CITED1: variants seen among roughly 807,000 people sequenced by gnomAD.
CITED1 encodes the protein Cbp/p300 interacting transactivator with ED-rich tail 1.
In CITED1, 3 loss-of-function variants were observed where a neutral mutation model predicts 8.5. That is an observed-to-expected ratio of 0.35 (90% CI 0.16 to 0.91). CITED1 has a LOEUF of 0.91. Ranked by LOEUF, CITED1 falls within the 40% of genes least tolerant of loss-of-function variation. CITED1 has a pLI of 0.46. For missense variants in CITED1, 113 were observed against 154.8 expected (o/e 0.73, Z 1.43); for synonymous variants, 54 against 67.4 (o/e 0.80, Z 0.97).
intron 1 of CITED1, among the ~76,000 whole-genome samples, chrX:72,304,861 G>A (rs752622799): frequency 2.7e-5 from 3 of 112,044 alleles, no homozygotes; most frequent in Non-Finnish European, 5.6e-5. Flanking sequence ...CCCAGCCTGG[G>A]TCTGCGCTCA....
rs181337442 is a variant in CITED1, at chrX:72,302,670, G to C, written c.60+140C>G. On this transcript the variant is annotated intron_variant, in intron 2 of 2. Transcript: ENST00000651998. The stretch of plus-strand genomic sequence containing the variant: ...CAATCTGACCACAATTTAGGCAGAA[G>C]CTGTTCTCATTCTCCCCAGAGATAG... The C allele has an allele frequency of 1.9e-3, 1,061 of 547,271 alleles. 12 individuals are homozygous for C. The African/African-American group carries it at 0.022, about 11-fold the overall frequency. The allele number at this position is 547,271 out of a possible 1,213,427, so 45.1% of individuals were successfully genotyped here. A position where few individuals can be genotyped will look rare whatever the true frequency, so the allele number is the denominator to read the frequency against.
In CITED1 at chrX:72,302,092, A is replaced by C. The variant is rs1460275383; in HGVS notation, c.213T>G (p.Ser71=). The part of the protein sequence containing the change: ...PTSSSGSPIG[S]PTTTPPTKPP... The stretch of plus-strand genomic sequence containing the variant: ...GTTTAGTGGGAGGGGTGGTTGTAGG[A>C]GAGCCTATTGGAGATCCCGAGGAAC... Residue 71 remains serine (S), a synonymous_variant, in exon 3 of 3, where the codon TCT becomes TCG. Transcript: ENST00000651998. 1.7e-6 allele frequency: 2 copies of C among 1,189,162 alleles called. No homozygotes were observed. Among genetic ancestry groups the C allele is most frequent in the East Asian group, 6.1e-5 (2 of 32,835 alleles).
rs150485089 is a variant in CITED1 at position 72,302,133 on chromosome X, T to G, written c.172A>C (p.Ser58Arg). Residue 58 changes from serine (S) to arginine (R), a missense_variant, in exon 3 of 3, where the codon AGT becomes CGT. By Grantham distance (110) the Ser-to-Arg change is moderately radical. Coordinates refer to ENST00000651998, the MANE Select transcript of CITED1 (RefSeq NM_001144887.2). Reference sequence around the variant, plus strand: ...CCCGAGGAACTAGTGGGAGCCCCACTGGCCTTGGTTCCATTTGAGGCTACC... The same window carrying G: ...CCCGAGGAACTAGTGGGAGCCCCACGGGCCTTGGTTCCATTTGAGGCTACC... The part of the protein sequence containing the change: ...PGVASNGTKA[S>R]GAPTSSSGSP... 1.7e-6 allele frequency: 2 copies of G among 1,192,087 alleles called. No individual in the cohort carries two copies. Among genetic ancestry groups the G allele is most frequent in the Non-Finnish European group, 2.3e-6 (2 of 885,094 alleles).
chrX:72,307,122 C>G (rs1276460362), upstream of CITED1: 1 of 111,078 alleles, frequency 9.0e-6, no homozygotes, highest in Non-Finnish European at 1.9e-5. Context: ...CCGGGCAGAG[C>G]GAGCTTCCTC....
chrX:72,304,898 T>A (rs1456575446), intron 1 of CITED1, among the ~76,000 whole-genome samples: 1 of 112,420 alleles, frequency 8.9e-6, no homozygotes, highest in Non-Finnish European at 1.9e-5. Flanking sequence ...TGTTGTTGAA[T>A]GCGTCTGAAG....
chrX:72,302,538 C>T (rs189350672), intron 2 of CITED1, among the ~76,000 whole-genome samples: 171 of 112,303 alleles, frequency 1.5e-3, no homozygotes, highest in African/African-American at 5.3e-3. Context: ...AAGGGCACCT[C>T]CTGTCCCTCT....
At chrX:72,305,502 G>A (rs998243089) in intron 1 of CITED1, 1 of 424,834 alleles carries the variant, frequency 2.4e-6, no homozygotes. Context: ...GGGGGCGGCC[G>A]GGAGCATCCC....
chrX:72,305,829 G>A lies in CITED1; in HGVS notation c.-70C>T. On this transcript the variant is annotated 5_prime_UTR_variant, in exon 1 of 3. Transcript: ENST00000651998. ...CGGAGAGGTGCGGTAACTTGCCCAA[G>A]GTCACAGCGCTAGAAAGTGGCGGAG... 1 of 114,192 alleles carries A rather than the reference G, an allele frequency of 8.8e-6. No individual in the cohort carries two copies. Among genetic ancestry groups the A allele is most frequent in the Non-Finnish European group, 1.8e-5 (1 of 54,386 alleles). The allele number at this position is 114,192 out of a possible 1,213,427, so 9.4% of individuals were successfully genotyped here.
chrX:72,302,118 T>C lies in CITED1; in HGVS notation c.187A>G (p.Ser63Gly). 1 of 1,189,926 alleles carries C rather than the reference T, an allele frequency of 8.4e-7. No individual in the cohort carries two copies. The highest frequency in any genetic ancestry group is 1.1e-6 in the Non-Finnish European group (1 of 884,046). Residue 63 changes from serine (S) to glycine (G), a missense_variant, in exon 3 of 3, where the codon AGT becomes GGT. Physicochemically the swap from Ser to Gly is moderately conservative, Grantham distance 56. Transcript: ENST00000651998. ...GAGCCTATTGGAGATCCCGAGGAACTAGTGGGAGCCCCACTGGCCTTGGTT... is the reference window on the plus strand; with the variant it reads ...GAGCCTATTGGAGATCCCGAGGAACCAGTGGGAGCCCCACTGGCCTTGGTT... ...NGTKASGAPT[S>G]SSGSPIGSPT...
At chrX:72,305,178 T>C in intron 1 of CITED1, 1 of 679,037 alleles carries the variant, frequency 1.5e-6, no homozygotes, top group Non-Finnish European at 2.2e-6. Context: ...AGGCCTTCCC[T>C]TGGGCGAGCA....
chrX:72,302,801 A>T lies in CITED1; in HGVS notation c.60+9T>A. ...TTCCCTGCCTCATCTGTAAAATGGC[A>T]AAAATTACCTCCTTCGCAGGTGAGG... On this transcript the variant is annotated intron_variant, in intron 2 of 2. Transcript: ENST00000651998. 8.3e-7 allele frequency: 1 copy of T among 1,202,375 alleles called. No individual in the cohort carries two copies. The highest frequency in any genetic ancestry group is 1.1e-6 in the Non-Finnish European group (1 of 890,331).
At chrX:72,304,038 GA>G in intron 1 of CITED1, 1 of 375,369 alleles carries the variant, frequency 2.7e-6, no homozygotes, top group Non-Finnish European at 3.4e-6. Flanking sequence ...AACATAGCGG[GA>G]CCCTATCTCT....
rs1170426931 is a variant in CITED1 at position 72,302,913 on chromosome X, G to A, written c.-44C>T. ...GTTGGATAAATTGGCGGGAAGTGAT[G>A]CTGCCAGCTGGAGCTGTTGTGCTGC... On this transcript the variant is annotated 5_prime_UTR_variant, in exon 2 of 3. Coordinates refer to ENST00000651998, the MANE Select transcript of CITED1 (RefSeq NM_001144887.2). 1 of 1,210,783 alleles carries A rather than the reference G, an allele frequency of 8.3e-7. No homozygotes were observed. Among genetic ancestry groups the A allele is most frequent in the Admixed American group, 2.2e-5 (1 of 46,039 alleles).
At chrX:72,305,429 G>T in intron 1 of CITED1, 3 of 624,857 alleles carry the variant, frequency 4.8e-6, no homozygotes, top group Non-Finnish European at 5.0e-6. Context: ...AAAACTAAAG[G>T]CCCGTTGTTT....
chrX:72,306,534 A>T (rs1365983973), upstream of CITED1: 2 of 111,150 alleles, frequency 1.8e-5, no homozygotes, highest in African/African-American at 6.5e-5. Context: ...GAGCCGCAAG[A>T]GAGGCGGCGG....
upstream of CITED1, among the ~76,000 whole-genome samples, chrX:72,306,185 G>A (rs1385152883): frequency 4.5e-5 from 5 of 111,903 alleles, no homozygotes; most frequent in Middle Eastern, 4.6e-3. Flanking sequence ...GTCGGTGGAA[G>A]CCAAGCTGGA....
intron 1 of CITED1, among the ~76,000 whole-genome samples, chrX:72,303,493 G>A: frequency 8.9e-6 from 1 of 112,185 alleles, no homozygotes; most frequent in East Asian, 2.8e-4. Flanking sequence ...AGGCTGATTA[G>A]GGTGGTCTGG....
intron 1 of CITED1, 177 bp downstream of exon 1, chrX:72,305,647 TC>T (rs2043330437): frequency 5.0e-6 from 1 of 198,988 alleles, no homozygotes; most frequent in Non-Finnish European, 9.2e-6. Context: ...CCGCGGCGAG[TC>T]CGCACTCCGG....
At chrX:72,304,595 T>A (rs2043317981) in intron 1 of CITED1, among the ~76,000 whole-genome samples, 1 of 111,531 alleles carries the variant, frequency 9.0e-6, no homozygotes, top group Admixed American at 9.5e-5. Flanking sequence ...CCTCTCCTTT[T>A]TGCCGCTTGG....
Sources: gnomAD v4.1 joint callset for allele counts (sites outside exome capture counted in the v4.1 genomes callset) on GRCh38, gnomAD v4.1.1 for gene constraint, MANE v1.5 for transcripts, NCBI Gene and HGNC (gene_info 2026-07-23, HGNC 2026-07-21) for gene names.